SEC24B: variants seen among roughly 807,000 people sequenced by gnomAD.
SEC24B encodes protein transport protein Sec24B.
SEC24B carries 45 observed loss-of-function variants against 142.8 expected under a neutral mutation model. The ratio of observed to expected loss-of-function variants is 0.32; its 90% CI spans 0.25 to 0.40. SEC24B has a LOEUF of 0.40. SEC24B is among the 10% of genes least tolerant of loss of function. The pLI, the probability that SEC24B is intolerant of heterozygous loss-of-function variation, is 1.00. For synonymous variants in SEC24B, 574 were observed against 568.2 expected, an observed-to-expected ratio of 1.01 and a Z score of -0.15; for missense variants, 1,409 against 1,526.8, an observed-to-expected ratio of 0.92 and a Z score of 1.29.
At chr4:109,510,748 A>C (rs1266424630) in intron 8 of SEC24B, among the ~76,000 whole-genome samples, 1 of 152,182 alleles carries the variant, frequency 6.6e-6, no homozygotes, top group Admixed American at 6.5e-5. Context: ...CTTCAAAAAT[A>C]ATTTTATTCA....
At chr4:109,489,039 C>T (rs1329607697) in intron 4 of SEC24B, among the ~76,000 whole-genome samples, 1 of 152,076 alleles carries the variant, frequency 6.6e-6, no homozygotes, top group South Asian at 2.1e-4. Flanking sequence ...AATATTTACT[C>T]TCATTCTGTG....
intron 3 of SEC24B, among the ~76,000 whole-genome samples, chr4:109,476,242 C>A (rs1207123876): frequency 1.3e-5 from 2 of 152,196 alleles, no homozygotes; most frequent in Non-Finnish European, 2.9e-5. Flanking sequence ...CTGCCTAGGC[C>A]TCCCAAAGTG....
chr4:109,516,483 A>G (rs747871229), intron 10 of SEC24B, 45 bp from the exon 11 acceptor site: 3 of 1,195,754 alleles, frequency 2.5e-6, no homozygotes, highest in Non-Finnish European at 3.6e-6. Flanking sequence ...TAAAAAGAAT[A>G]AATTGTACCT....
In SEC24B at chr4:109,532,675, C is replaced by T. The variant is rs895560091; in HGVS notation, c.3427C>T (p.Pro1143Ser). The change falls in exon 21 of 24, where the codon CCA becomes TCA. Residue 1143 changes from proline to serine, a missense_variant. Transcript: ENST00000265175. ...VHVNDRIVPQPPLQKLSAEKL... is the reference protein window; with the variant it reads ...VHVNDRIVPQSPLQKLSAEKL... Reference sequence around the variant, plus strand: ...TGTTAATGACAGGATTGTACCACAGCCACCTCTTCAAAAATTGTCTGCAGA... The same window carrying T: ...TGTTAATGACAGGATTGTACCACAGTCACCTCTTCAAAAATTGTCTGCAGA... 6.2e-7 allele frequency: 1 copy of T among 1,613,648 alleles called. No homozygotes were observed. Among genetic ancestry groups the T allele is most frequent in the Admixed American group, 1.7e-5 (1 of 60,006 alleles).
At chr4:109,470,884 T>C (rs1309313988) in intron 2 of SEC24B, among the ~76,000 whole-genome samples, 4 of 152,044 alleles carry the variant, frequency 2.6e-5, no homozygotes, top group Non-Finnish European at 5.9e-5. Flanking sequence ...AGAGCAAAAA[T>C]AATGTCTAGA....
chr4:109,483,736 G>T (rs1201344479), intron 4 of SEC24B, among the ~76,000 whole-genome samples: 1 of 152,050 alleles, frequency 6.6e-6, no homozygotes, highest in African/African-American at 2.4e-5. Context: ...GTGACAGGTG[G>T]GAAATAATTT....
At chr4:109,452,815 A>G (rs138902861) in intron 1 of SEC24B, among the ~76,000 whole-genome samples, 88 of 151,998 alleles carry the variant, frequency 5.8e-4, no homozygotes, top group Non-Finnish European at 1.1e-3. Context: ...ATTTGCAAAC[A>G]TTTTCTTTCT....
At chr4:109,533,424 TG>T (rs1725149183) in intron 21 of SEC24B, among the ~76,000 whole-genome samples, 168 bp from the exon 22 acceptor site, 1 of 152,214 alleles carries the variant, frequency 6.6e-6, no homozygotes, top group African/African-American at 2.4e-5. Context: ...TCAAAGACGA[TG>T]TGAACCACTC....
At chr4:109,531,928 C>T (rs546937452) in intron 20 of SEC24B, among the ~76,000 whole-genome samples, 6 of 151,452 alleles carry the variant, frequency 4.0e-5, no homozygotes, top group Admixed American at 6.6e-5. Flanking sequence ...GGTGTGATCT[C>T]GGCTCACTGC....
chr4:109,433,840 A>G lies in SEC24B; in HGVS notation c.-30A>G. The G allele has an allele frequency of 3.1e-6, 4 of 1,276,218 alleles. No homozygotes were observed. Among genetic ancestry groups the G allele is most frequent in the Admixed American group, 7.9e-5 (2 of 25,222 alleles). 79.1% of individuals were successfully genotyped at this position (1,276,218 alleles called of 1,614,324 possible). A position where few individuals can be genotyped will look rare whatever the true frequency, so the allele number is the denominator to read the frequency against. On this transcript the variant is annotated 5_prime_UTR_variant, in exon 1 of 24. Coordinates refer to ENST00000265175, the MANE Select transcript of SEC24B (RefSeq NM_006323.5). ...CCCTTCCCTCCGCCCACCTCCCTGA[A>G]GCGGAGCCGCCGTCGCCACCAGCGC...
intron 2 of SEC24B, among the ~76,000 whole-genome samples, chr4:109,472,248 C>T (rs1732599839): frequency 1.3e-5 from 2 of 152,126 alleles, no homozygotes. Context: ...GACTGCTCAC[C>T]AGTAGTCTTT....
intron 3 of SEC24B, among the ~76,000 whole-genome samples, chr4:109,480,887 T>C (rs923286871): frequency 6.6e-6 from 1 of 152,194 alleles, no homozygotes; most frequent in Non-Finnish European, 1.5e-5. Flanking sequence ...CCCAATTACA[T>C]TTTTTTAAGG....
At chr4:109,434,530 C>T (rs922365139) in intron 1 of SEC24B, among the ~76,000 whole-genome samples, 1 of 152,212 alleles carries the variant, frequency 6.6e-6, no homozygotes, top group African/African-American at 2.4e-5. Context: ...CCAGCGAACA[C>T]GCTGCCTTGA....
chr4:109,478,746 T>C (rs1733432678), intron 3 of SEC24B, among the ~76,000 whole-genome samples: 1 of 152,186 alleles, frequency 6.6e-6, no homozygotes, highest in Non-Finnish European at 1.5e-5. Context: ...TAGTAAAAAT[T>C]AGGATAAACT....
intron 1 of SEC24B, among the ~76,000 whole-genome samples, chr4:109,453,522 C>T (rs1210894043): frequency 3.0e-5 from 4 of 132,600 alleles, no homozygotes; most frequent in East Asian, 2.4e-4. Context: ...TTCTCTTACC[C>T]GTGTTCGGTA....
chr4:109,506,834 A>C (rs1249339939), intron 7 of SEC24B, among the ~76,000 whole-genome samples: 2 of 152,154 alleles, frequency 1.3e-5, no homozygotes. Flanking sequence ...ATAACTTCTG[A>C]TATCTTTTCA....
In SEC24B at chr4:109,538,496, C is replaced by T. The variant is rs183152596; in HGVS notation, c.3592C>T (p.His1198Tyr). 61 of 1,606,594 alleles carry T rather than the reference C, an allele frequency of 3.8e-5. No individual in the cohort carries two copies. In the East Asian group the frequency reaches 1.4e-3, roughly 36 times the overall value. Residue 1198 changes from histidine to tyrosine, a missense_variant, in exon 23 of 24, where the codon CAT becomes TAT. By Grantham distance (83) the His-to-Tyr change is moderately conservative. This residue lies in a region of SEC24B where 700 missense variants were observed against 853.3 expected (regional missense o/e 0.82). Transcript: ENST00000265175. ...NFASIPQKMT[H>Y]LPELDTLSSE... Reference sequence around the variant, plus strand: ...CTAATTGTATTTCTTTTACCAGACACATCTTCCAGAGCTAGATACACTTTC... The same window carrying T: ...CTAATTGTATTTCTTTTACCAGACATATCTTCCAGAGCTAGATACACTTTC...
At position 109,524,953 on chromosome 4, in the gene SEC24B, C is replaced by CT; in HGVS notation, c.2632+12_2632+13insT. Reference sequence around the variant, plus strand: ...TCTTGCTTCTCTAGGTAAGGAAAGTCATCATGGGTACATTTGTTTAAATGA... The same window carrying CT: ...TCTTGCTTCTCTAGGTAAGGAAAGTCTATCATGGGTACATTTGTTTAAATGA... On this transcript the variant is annotated intron_variant, in intron 15 of 23. Coordinates refer to ENST00000265175, the MANE Select transcript of SEC24B (RefSeq NM_006323.5). 3 of 1,598,274 alleles carry CT rather than the reference C, an allele frequency of 1.9e-6. No homozygotes were observed. The highest frequency in any genetic ancestry group is 2.6e-6 in the Non-Finnish European group (3 of 1,173,370).
chr4:109,483,003 C>CACACACACACACAT (rs1408633373), intron 4 of SEC24B, among the ~76,000 whole-genome samples: 3 of 84,082 alleles, frequency 3.6e-5, no homozygotes, highest in African/African-American at 2.5e-4. Context: ...CACACACACA[C>CACACACACACACAT]ATATTATACA....
Sources: gnomAD v4.1 joint callset for allele counts (sites outside exome capture counted in the v4.1 genomes callset) on GRCh38, gnomAD v4.1.1 for gene constraint, gnomAD v4.1.1 regional missense constraint, MANE v1.5 for transcripts, NCBI Gene and HGNC (gene_info 2026-07-23, HGNC 2026-07-21) for gene names.